Variants in METTL24 observed in about 807,000 individuals in gnomAD.
METTL24 encodes probable methyltransferase-like protein 24.
A neutral mutation model predicts 32.7 loss-of-function variants in METTL24; 29 were observed. That is an observed-to-expected ratio of 0.89 (90% CI 0.66 to 1.21). The LOEUF (loss-of-function observed/expected upper bound fraction) is 1.21, where lower values mean the gene tolerates loss of function less well. METTL24 is among the 50% of genes most tolerant of loss of function. The pLI is 0.00. For missense variants in METTL24, 439 were observed against 468.1 expected (o/e 0.94, Z 0.57); for synonymous variants, 163 against 179.5 (o/e 0.91, Z 0.73).
At chr6:110,319,227 G>A (rs9487375) in intron 2 of METTL24, among the ~76,000 whole-genome samples, 23,693 of 151,878 alleles carry the variant, frequency 0.16, 2,404 homozygotes, top group African/African-American at 0.27. Flanking sequence ...TGAAAGACTC[G>A]AGGGCAGAAT....
intron 1 of METTL24, among the ~76,000 whole-genome samples, chr6:110,336,288 C>T (rs900059572): frequency 1.3e-5 from 2 of 152,214 alleles, no homozygotes; most frequent in African/African-American, 4.8e-5. Flanking sequence ...CCTCTCATCC[C>T]TACCAACCCA....
chr6:110,297,776 G>A (rs1379431789), intron 4 of METTL24, among the ~76,000 whole-genome samples: 1 of 152,174 alleles, frequency 6.6e-6, no homozygotes, highest in African/African-American at 2.4e-5. Context: ...TCCTATATGT[G>A]TCTCACTAAG....
chr6:110,298,781 T>C lies in METTL24; in HGVS notation c.786+141A>G. On this transcript the variant is annotated intron_variant, in intron 4 of 4. Coordinates refer to ENST00000338882, the MANE Select transcript of METTL24 (RefSeq NM_001123364.3). ...CACTTTATGTCTAGAGTTGACTCTA[T>C]AAATAATGTTGGGTGATTAGTAAGA... is the stretch of plus-strand genomic sequence containing the variant. 3 of 701,326 alleles carry C rather than the reference T, an allele frequency of 4.3e-6. No homozygotes were observed. In the South Asian group the frequency reaches 5.6e-5, roughly 13 times the overall value. The allele number at this position is 701,326 out of a possible 1,614,324, so 43.4% of individuals were successfully genotyped here. A position where few individuals can be genotyped will look rare whatever the true frequency, so the allele number is the denominator to read the frequency against.
intron 4 of METTL24, among the ~76,000 whole-genome samples, chr6:110,259,747 G>T (rs2114698385): frequency 6.6e-6 from 1 of 152,286 alleles, no homozygotes; most frequent in South Asian, 2.1e-4. Flanking sequence ...TCACACGGCT[G>T]GGTACTCCTC....
At position 110,245,977 on chromosome 6, in the gene METTL24, G is replaced by T; in HGVS notation, c.1070C>A (p.Thr357Asn). The change falls in exon 5 of 5, where the codon ACT (threonine) becomes AAT (asparagine). Residue 357 changes from threonine to asparagine, a missense_variant. Physicochemically the swap from Thr to Asn is moderately conservative, Grantham distance 65. Coordinates refer to ENST00000338882, the MANE Select transcript of METTL24 (RefSeq NM_001123364.3). ...KDIFNASSCY[T>N]LSWVNTRWK Reference sequence around the variant, plus strand: ...CCATCTTGTATTCACCCAACTCAGAGTATAACAGCTACTTGCATTGAAAAT... The same window carrying T: ...CCATCTTGTATTCACCCAACTCAGATTATAACAGCTACTTGCATTGAAAAT... 3 of 1,613,952 alleles carry T rather than the reference G, an allele frequency of 1.9e-6. No individual in the cohort carries two copies. Among genetic ancestry groups the T allele is most frequent in the Non-Finnish European group, 2.5e-6 (3 of 1,179,948 alleles).
At chr6:110,316,146 T>C (rs1276939301) in intron 2 of METTL24, among the ~76,000 whole-genome samples, 1 of 152,122 alleles carries the variant, frequency 6.6e-6, no homozygotes, top group African/African-American at 2.4e-5. Flanking sequence ...CGCTTCCTCC[T>C]GGGGGAGAAG....
intron 3 of METTL24, among the ~76,000 whole-genome samples, chr6:110,312,040 C>A (rs1471153370): frequency 6.6e-6 from 1 of 152,120 alleles, no homozygotes; most frequent in Non-Finnish European, 1.5e-5. Flanking sequence ...TGTGCAGAAG[C>A]TTTTTGGTTT....
At chr6:110,315,162 C>T (rs1771795039) in intron 3 of METTL24, among the ~76,000 whole-genome samples, 180 bp downstream of exon 3, 1 of 152,066 alleles carries the variant, frequency 6.6e-6, no homozygotes, top group African/African-American at 2.4e-5. Context: ...CCAAGGAGAC[C>T]TCGGTGATCC....
chr6:110,352,203 G>A (rs929954877), intron 1 of METTL24, among the ~76,000 whole-genome samples: 7 of 152,172 alleles, frequency 4.6e-5, no homozygotes, highest in Non-Finnish European at 8.8e-5. Context: ...GTAGTCATGT[G>A]CCATGCCGTC....
chr6:110,246,951 A>T (rs1778177630), intron 4 of METTL24, among the ~76,000 whole-genome samples: 1 of 113,048 alleles, frequency 8.8e-6, no homozygotes, highest in Admixed American at 9.0e-5. Context: ...TAGCATTCTT[A>T]AAAAAAAAAA....
At chr6:110,274,802 C>CTTTTTTTTTTT (rs1196371607) in intron 4 of METTL24, among the ~76,000 whole-genome samples, 1 of 90,130 alleles carries the variant, frequency 1.1e-5, no homozygotes, top group African/African-American at 4.2e-5. Flanking sequence ...TTCGTTCTTT[C>CTTTTTTTTTTT]TTTTTTTTTT....
At chr6:110,295,179 T>C (rs1260770321) in intron 4 of METTL24, among the ~76,000 whole-genome samples, 1 of 151,928 alleles carries the variant, frequency 6.6e-6, no homozygotes, top group Non-Finnish European at 1.5e-5. Context: ...CATGTCACCA[T>C]GCCCAGCTAA....
intron 4 of METTL24, among the ~76,000 whole-genome samples, chr6:110,272,291 G>A (rs1252754984): frequency 6.6e-6 from 1 of 152,144 alleles, no homozygotes; most frequent in East Asian, 1.9e-4. Flanking sequence ...TTGTTGCAAA[G>A]GCTATTATTT....
chr6:110,262,273 G>C (rs1392577905), intron 4 of METTL24, among the ~76,000 whole-genome samples: 1 of 152,038 alleles, frequency 6.6e-6, no homozygotes, highest in African/African-American at 2.4e-5. Flanking sequence ...AATAATAATT[G>C]ATAAAGGGGA....
intron 2 of METTL24, among the ~76,000 whole-genome samples, chr6:110,320,897 G>A (rs1771919353): frequency 6.6e-6 from 1 of 152,036 alleles, no homozygotes; most frequent in African/African-American, 2.4e-5. Context: ...GAGAAGCAAA[G>A]TGAAGTACCC....
At chr6:110,335,712 A>C (rs1276761366) in intron 1 of METTL24, among the ~76,000 whole-genome samples, 1 of 151,450 alleles carries the variant, frequency 6.6e-6, no homozygotes, top group East Asian at 1.9e-4. Context: ...CACTGCACCT[A>C]TTGTACTGGT....
intron 4 of METTL24, among the ~76,000 whole-genome samples, chr6:110,271,347 G>C (rs1770955512): frequency 6.6e-6 from 1 of 152,106 alleles, no homozygotes; most frequent in South Asian, 2.1e-4. Flanking sequence ...CCAGGCTGGA[G>C]TACAGTGGCG....
At chr6:110,320,136 G>A (rs1771906077) in intron 2 of METTL24, among the ~76,000 whole-genome samples, 1 of 152,184 alleles carries the variant, frequency 6.6e-6, no homozygotes, top group Non-Finnish European at 1.5e-5. Context: ...TGCTGGCCTT[G>A]CTGTACAAGC....
intron 2 of METTL24, among the ~76,000 whole-genome samples, chr6:110,320,267 A>T (rs1375827023): frequency 1.3e-5 from 2 of 152,148 alleles, no homozygotes; most frequent in African/African-American, 4.8e-5. Flanking sequence ...ATTATGACTC[A>T]CTTCTGCTAA....
Sources: gnomAD v4.1 joint callset for allele counts (sites outside exome capture counted in the v4.1 genomes callset) on GRCh38, gnomAD v4.1.1 for gene constraint, MANE v1.5 for transcripts, NCBI Gene and HGNC (gene_info 2026-07-23, HGNC 2026-07-21) for gene names.